The following AP2A2 variants were observed in gnomAD, a reference collection of about 807,000 sequenced individuals.
The protein encoded by AP2A2 is adaptor related protein complex 2 subunit alpha 2.
AP2A2 carries 32 observed loss-of-function variants against 104.2 expected under a neutral mutation model. That is an observed-to-expected ratio of 0.31 (90% CI 0.23 to 0.41). The LOEUF (loss-of-function observed/expected upper bound fraction) is 0.41, where lower values mean the gene tolerates loss of function less well. Among genes scored for constraint, AP2A2 ranks in the 10% least tolerant of loss-of-function variants. The pLI, the probability that AP2A2 is intolerant of heterozygous loss-of-function variation, is 1.00. For synonymous variants in AP2A2, 539 were observed against 533.3 expected (o/e 1.01, Z -0.15); for missense variants, 912 against 1,261.0 (o/e 0.72, Z 4.19).
At chr11:998,309 C>T (rs571655969) in intron 14 of AP2A2, among the ~76,000 whole-genome samples, 5 of 151,594 alleles carry the variant, frequency 3.3e-5, no homozygotes, top group African/African-American at 1.2e-4. Flanking sequence ...CCCCCAATCC[C>T]CATTCTGACT....
chr11:931,965 A>AT (rs1389517203), intron 1 of AP2A2, among the ~76,000 whole-genome samples: 9 of 151,114 alleles, frequency 6.0e-5, no homozygotes, highest in Admixed American at 5.9e-4. Context: ...CGCCCGGCTA[A>AT]TTTTTTGTAT....
Position 994,191 on chromosome 11 carries a change from G to C in AP2A2, c.1902G>C (p.Arg634Ser). The C allele has an allele frequency of 6.2e-7, 1 of 1,613,000 alleles. No individual in the cohort carries two copies. Among genetic ancestry groups the C allele is most frequent in the Non-Finnish European group, 8.5e-7 (1 of 1,179,860 alleles). The change falls in exon 14 of 22, where the codon AGG becomes AGC. Residue 634 changes from arginine (R) to serine (S), a missense_variant. Transcript: ENST00000448903. ...ACCTGGAGGACACCAAGCGGGACAG[G>C]AGTGTGGACGTGAACGGGGGTCCTG... The part of the protein sequence containing the change: ...VTDLEDTKRD[R>S]SVDVNGGPEP...
chr11:1,009,596 A>G (rs12787031), intron 20 of AP2A2, 87 bp from the exon 21 acceptor site: 3 of 1,125,654 alleles, frequency 2.7e-6, no homozygotes, highest in Non-Finnish European at 3.6e-6. Context: ...CCCACGACCC[A>G]GCGCCAGGGT....
chr11:949,988 A>G (rs1266359213), intron 1 of AP2A2, among the ~76,000 whole-genome samples: 1 of 152,164 alleles, frequency 6.6e-6, no homozygotes, highest in Non-Finnish European at 1.5e-5. Context: ...TACACAAATG[A>G]TTAAGATAGT....
At position 984,027 on chromosome 11, in the gene AP2A2, CAT is replaced by C. The variant is rs535777675; in HGVS notation, c.706-617_706-616del. ...GTTCACTTACGGCCTAAAAGTGTCA[CAT>C]GTGAGCTTTGTAGGAAGGGAGGAAC... On this transcript the variant is annotated intron_variant, in intron 6 of 21. Coordinates refer to ENST00000448903, the MANE Select transcript of AP2A2 (RefSeq NM_012305.4). Among the ~76,000 whole-genome samples the C allele has an allele frequency of 2.0e-4, 30 of 152,298 alleles. No individual in the cohort carries two copies. The South Asian group carries it at 6.2e-3, about 32-fold the overall frequency.
At chr11:979,705 G>A (rs1207976473) in intron 5 of AP2A2, among the ~76,000 whole-genome samples, 1 of 152,166 alleles carries the variant, frequency 6.6e-6, no homozygotes, top group Non-Finnish European at 1.5e-5. Flanking sequence ...GGGATTACAG[G>A]CGAGGCGAGT....
chr11:997,598 T>G (rs1398006091), intron 14 of AP2A2, among the ~76,000 whole-genome samples: 1 of 152,204 alleles, frequency 6.6e-6, no homozygotes, highest in Non-Finnish European at 1.5e-5. Context: ...TTTCCTACTT[T>G]AGAAAGCAGT....
Position 1,011,148 on chromosome 11 carries a change from A to G in AP2A2, c.*523A>G, listed in dbSNP as rs1367735165. Reference sequence around the variant, plus strand: ...TCCCAGCTGGACTGTTTTCCCAGGCAGGATTTTAATCTAGAATTTAGAAAC... The same window carrying G: ...TCCCAGCTGGACTGTTTTCCCAGGCGGGATTTTAATCTAGAATTTAGAAAC... On this transcript the variant is annotated 3_prime_UTR_variant, in exon 22 of 22. Transcript: ENST00000448903. 5.4e-6 allele frequency: 3 copies of G among 550,886 alleles called. No individual in the cohort carries two copies. The highest frequency in any genetic ancestry group is 1.1e-5 in the Non-Finnish European group (3 of 281,504). The allele number at this position is 550,886 out of a possible 1,614,324, so 34.1% of individuals were successfully genotyped here. A position where few individuals can be genotyped will look rare whatever the true frequency, so the allele number is the denominator to read the frequency against.
chr11:1,005,687 T>A (rs573157787), intron 16 of AP2A2, among the ~76,000 whole-genome samples: 2 of 152,228 alleles, frequency 1.3e-5, no homozygotes, highest in South Asian at 2.1e-4. Flanking sequence ...AGAGAATTAG[T>A]CCTCTGCCCG....
chr11:960,705 A>T (rs1468846716), intron 2 of AP2A2, among the ~76,000 whole-genome samples: 2 of 150,364 alleles, frequency 1.3e-5, no homozygotes, highest in Non-Finnish European at 2.9e-5. Context: ...TCTAGTAGAG[A>T]TGGGGTTTCT....
rs764823391 is a variant in AP2A2 at position 988,543 on chromosome 11, G to T, written c.1132-9G>T. The T allele has an allele frequency of 5.0e-6, 8 of 1,609,432 alleles. No homozygotes were observed. Among genetic ancestry groups the T allele is most frequent in the Non-Finnish European group, 6.8e-6 (8 of 1,179,556 alleles). ...CCTGCGACCTCTTACTCTGTGCCTT[G>T]TTCCCCAGACTGAGCGGGACGTGAG... is the stretch of plus-strand genomic sequence containing the variant. On this transcript the variant is annotated splice_polypyrimidine_tract_variant and intron_variant, in intron 9 of 21. Transcript: ENST00000448903.
intron 14 of AP2A2, among the ~76,000 whole-genome samples, chr11:997,515 C>A (rs1165846565): frequency 6.6e-6 from 1 of 152,154 alleles, no homozygotes; most frequent in Non-Finnish European, 1.5e-5. Context: ...TGTCCTGGGG[C>A]CTTGCATCTG....
At chr11:945,298 G>C (rs557898196) in intron 1 of AP2A2, among the ~76,000 whole-genome samples, 53 of 152,192 alleles carry the variant, frequency 3.5e-4, no homozygotes, top group Non-Finnish European at 6.0e-4. Flanking sequence ...CTAGGATGTG[G>C]GCTGTTTAAG....
chr11:941,586 T>G (rs537335877), intron 1 of AP2A2, among the ~76,000 whole-genome samples: 1 of 151,712 alleles, frequency 6.6e-6, no homozygotes, highest in South Asian at 2.1e-4. Context: ...CTGGCTGCTT[T>G]CTTATTCTTT....
chr11:928,704 C>T (rs938622860), intron 1 of AP2A2, among the ~76,000 whole-genome samples: 12 of 152,274 alleles, frequency 7.9e-5, no homozygotes, highest in African/African-American at 2.9e-4. Context: ...TTGAATAACA[C>T]AGCCCCTCCC....
Position 933,309 on chromosome 11 carries a change from A to G in AP2A2, c.67+7221A>G, listed in dbSNP as rs377756482. On this transcript the variant is annotated intron_variant, in intron 1 of 21. Coordinates refer to ENST00000448903, the MANE Select transcript of AP2A2 (RefSeq NM_012305.4). Reference sequence around the variant, plus strand: ...AAAACCCCAGAAATGAACAGTTTTTACCAGGCCACATGATGTCCCAGACTT... The same window carrying G: ...AAAACCCCAGAAATGAACAGTTTTTGCCAGGCCACATGATGTCCCAGACTT... Among the ~76,000 whole-genome samples the G allele has an allele frequency of 2.2e-4, 34 of 152,338 alleles. 1 individual carries two copies. The East Asian group carries it at 4.0e-3, about 18-fold the overall frequency.
chr11:972,894 C>G (rs1048762633), intron 4 of AP2A2, among the ~76,000 whole-genome samples: 6 of 152,244 alleles, frequency 3.9e-5, no homozygotes, highest in African/African-American at 1.4e-4. Context: ...CAGGGCTTCA[C>G]GCGGAGAAGC....
At chr11:926,986 T>G (rs941645874) in intron 1 of AP2A2, among the ~76,000 whole-genome samples, 1 of 152,218 alleles carries the variant, frequency 6.6e-6, no homozygotes, top group African/African-American at 2.4e-5. Context: ...TTATTTAATT[T>G]GAGGGAGAAA....
chr11:1,009,777 T>C lies in AP2A2; in HGVS notation c.2702T>C (p.Ile901Thr), dbSNP rs773199814. 77 of 1,550,612 alleles carry C rather than the reference T, an allele frequency of 5.0e-5. No individual in the cohort carries two copies. Among genetic ancestry groups the C allele is most frequent in the Non-Finnish European group, 6.4e-5 (73 of 1,146,250 alleles). ...ATCATCCACACGAAAACCACCCAGATTGGATGCCTGCTGCGCTTGGAGCCG... is the reference window on the plus strand; with the variant it reads ...ATCATCCACACGAAAACCACCCAGACTGGATGCCTGCTGCGCTTGGAGCCG... ...AGIIHTKTTQ[I>T]GCLLRLEPNL... The change falls in exon 21 of 22, where the codon ATT (isoleucine) becomes ACT (threonine). Residue 901 changes from isoleucine to threonine, a missense_variant. This residue lies in a region of AP2A2 where 239 missense variants were observed against 329.8 expected (regional missense o/e 0.72). Transcript: ENST00000448903.
Sources: gnomAD v4.1 joint callset for allele counts (sites outside exome capture counted in the v4.1 genomes callset) on GRCh38, gnomAD v4.1.1 for gene constraint, gnomAD v4.1.1 regional missense constraint, MANE v1.5 for transcripts, NCBI Gene and HGNC (gene_info 2026-07-23, HGNC 2026-07-21) for gene names.